Variants in KCNH8 observed in about 807,000 individuals in gnomAD.
KCNH8 encodes the protein voltage-gated delayed rectifier potassium channel KCNH8.
KCNH8 carries 70 observed loss-of-function variants against 103.6 expected under a neutral mutation model. The observed-to-expected ratio is 0.68, with a 90% confidence interval of 0.56 to 0.82. The LOEUF (loss-of-function observed/expected upper bound fraction) is 0.82, where lower values mean the gene tolerates loss of function less well. Ranked by LOEUF, KCNH8 falls within the 40% of genes least tolerant of loss-of-function variation. The probability of loss-of-function intolerance (pLI) is 0.00; values close to 1 mark genes in which losing one functional copy is unlikely to be tolerated. For synonymous variants in KCNH8, 498 were observed against 489.4 expected (o/e 1.02, Z -0.23); for missense variants, 1,217 against 1,329.9 (o/e 0.92, Z 1.32).
At chr3:19,179,073 AT>A (rs556630657) in intron 1 of KCNH8, among the ~76,000 whole-genome samples, 9 of 151,470 alleles carry the variant, frequency 5.9e-5, no homozygotes, top group Admixed American at 3.3e-4. Context: ...TGTAATAAAC[AT>A]TTTTTTTTCT....
intron 1 of KCNH8, among the ~76,000 whole-genome samples, chr3:19,185,914 A>T (rs115681991): frequency 1.3e-5 from 2 of 152,116 alleles, no homozygotes; most frequent in African/African-American, 4.8e-5. Flanking sequence ...AAACCTCTGC[A>T]TTCAATGTAC....
intron 1 of KCNH8, among the ~76,000 whole-genome samples, chr3:19,176,851 T>C (rs561421146): frequency 2.6e-5 from 4 of 152,262 alleles, no homozygotes; most frequent in African/African-American, 9.6e-5. Flanking sequence ...CTAAAGGAGA[T>C]ATAGGAGTTA....
chr3:19,294,625 G>A (rs2064972038), intron 3 of KCNH8, among the ~76,000 whole-genome samples: 1 of 152,120 alleles, frequency 6.6e-6, no homozygotes, highest in Non-Finnish European at 1.5e-5. Context: ...TATTTTATTA[G>A]CTATGTTTAA....
chr3:19,526,365 C>A (rs1432167297), intron 15 of KCNH8, among the ~76,000 whole-genome samples: 8 of 151,906 alleles, frequency 5.3e-5, no homozygotes, highest in Admixed American at 5.3e-4. Flanking sequence ...GAATTTTACA[C>A]CAATCATGCC....
At chr3:19,500,186 C>G (rs1185281455) in intron 11 of KCNH8, among the ~76,000 whole-genome samples, 4 of 152,134 alleles carry the variant, frequency 2.6e-5, no homozygotes, top group Non-Finnish European at 5.9e-5. Flanking sequence ...TCAAAAGAGA[C>G]AAAGAACGCC....
At chr3:19,270,012 G>T (rs1004675279) in intron 2 of KCNH8, among the ~76,000 whole-genome samples, 1 of 152,052 alleles carries the variant, frequency 6.6e-6, no homozygotes, top group East Asian at 1.9e-4. Context: ...AAATACTTTG[G>T]TAGTATATAG....
chr3:19,391,511 TTC>T (rs900045235), intron 6 of KCNH8, among the ~76,000 whole-genome samples: 1 of 152,082 alleles, frequency 6.6e-6, no homozygotes, highest in African/African-American at 2.4e-5. Context: ...AGAAATCATA[TTC>T]TCTTTCAAAA....
intron 11 of KCNH8, among the ~76,000 whole-genome samples, chr3:19,498,694 T>TC (rs1421093719): frequency 6.6e-6 from 1 of 152,216 alleles, no homozygotes; most frequent in Non-Finnish European, 1.5e-5. Flanking sequence ...CTCTGTTTTT[T>TC]CCCCATCTTT....
intron 7 of KCNH8, among the ~76,000 whole-genome samples, chr3:19,409,408 A>C (rs1288000065): frequency 6.6e-6 from 1 of 152,182 alleles, no homozygotes; most frequent in Non-Finnish European, 1.5e-5. Flanking sequence ...TGCCGCTACA[A>C]AAACACACTG....
At chr3:19,388,395 G>A (rs752546620) in intron 5 of KCNH8, among the ~76,000 whole-genome samples, 6 of 152,042 alleles carry the variant, frequency 3.9e-5, no homozygotes, top group Non-Finnish European at 7.4e-5. Context: ...GAAAAATAAA[G>A]AGGAAGAATG....
At chr3:19,452,276 C>T (rs910572010) in intron 10 of KCNH8, among the ~76,000 whole-genome samples, 1 of 151,896 alleles carries the variant, frequency 6.6e-6, no homozygotes, top group African/African-American at 2.4e-5. Context: ...TTCCAGCTAC[C>T]TGGGAGGCTG....
At chr3:19,287,584 G>A (rs1027926827) in intron 3 of KCNH8, among the ~76,000 whole-genome samples, 1 of 151,594 alleles carries the variant, frequency 6.6e-6, no homozygotes, top group African/African-American at 2.4e-5. Flanking sequence ...TGTTGTTGTT[G>A]TTGTTGTTGT....
intron 3 of KCNH8, among the ~76,000 whole-genome samples, chr3:19,321,329 A>G (rs2065347140): frequency 6.6e-6 from 1 of 151,922 alleles, no homozygotes; most frequent in Admixed American, 6.6e-5. Flanking sequence ...AATGGTATGA[A>G]CTTTTCTCTT....
At position 19,534,440 on chromosome 3, in the gene KCNH8, T is replaced by C. The variant is rs978378435; in HGVS notation, c.*341T>C. 13 of 274,062 alleles carry C rather than the reference T, an allele frequency of 4.7e-5. No individual in the cohort carries two copies. The highest frequency in any genetic ancestry group is 8.9e-5 in the Non-Finnish European group (13 of 146,050). 17.0% of individuals were successfully genotyped at this position (274,062 alleles called of 1,614,324 possible). On this transcript the variant is annotated 3_prime_UTR_variant, in exon 16 of 16. Coordinates refer to ENST00000328405, the MANE Select transcript of KCNH8 (RefSeq NM_144633.3). ...TGTCCCATGTGGCTTTTGTGAAGTA[T>C]GGCAAAGGTTTTTCATGAGTGCCTG...
At chr3:19,473,063 C>T (rs961198208) in intron 11 of KCNH8, among the ~76,000 whole-genome samples, 1 of 152,046 alleles carries the variant, frequency 6.6e-6, no homozygotes, top group Non-Finnish European at 1.5e-5. Flanking sequence ...ACTGAATATC[C>T]AAGTAGTTTA....
At chr3:19,372,154 C>A (rs1439581498) in intron 5 of KCNH8, among the ~76,000 whole-genome samples, 1 of 152,100 alleles carries the variant, frequency 6.6e-6, no homozygotes, top group Non-Finnish European at 1.5e-5. Flanking sequence ...TGAAGAAAGT[C>A]ATTGGTAGCT....
At chr3:19,155,226 A>G (rs764678299) in intron 1 of KCNH8, among the ~76,000 whole-genome samples, 15 of 152,190 alleles carry the variant, frequency 9.9e-5, no homozygotes, top group Non-Finnish European at 7.3e-5. Flanking sequence ...CGACCCATCC[A>G]GTTCTTCAAG....
intron 1 of KCNH8, among the ~76,000 whole-genome samples, chr3:19,181,928 A>G (rs551133520): frequency 7.3e-4 from 111 of 152,316 alleles, no homozygotes; most frequent in Non-Finnish European, 1.2e-3. Context: ...ACAAACACAT[A>G]TAATACTAAC....
At chr3:19,533,095 T>G (rs1263804689) in intron 15 of KCNH8, among the ~76,000 whole-genome samples, 1 of 151,324 alleles carries the variant, frequency 6.6e-6, no homozygotes, top group Non-Finnish European at 1.5e-5. Context: ...TCCCAGCTAC[T>G]CGGTAGGCTG....
Sources: gnomAD v4.1 joint callset for allele counts (sites outside exome capture counted in the v4.1 genomes callset) on GRCh38, gnomAD v4.1.1 for gene constraint, MANE v1.5 for transcripts, NCBI Gene and HGNC (gene_info 2026-07-23, HGNC 2026-07-21) for gene names.